SMAP1: variants seen among roughly 807,000 people sequenced by gnomAD.
The protein encoded by SMAP1 is small ArfGAP 1.
Under a neutral mutation model 58.5 loss-of-function variants are expected in SMAP1, and 24 were observed. The observed-to-expected ratio is 0.41, with a 90% CI of 0.30 to 0.58. SMAP1 has a LOEUF of 0.58. Among genes scored for constraint, SMAP1 ranks in the 20% least tolerant of loss-of-function variants. The probability of loss-of-function intolerance (pLI) is 0.29; values close to 1 mark genes in which losing one functional copy is unlikely to be tolerated. For synonymous variants in SMAP1, 216 were observed against 196.6 expected, an observed-to-expected ratio of 1.10 and a Z score of -0.82; for missense variants, 563 against 566.3, an observed-to-expected ratio of 0.99 and a Z score of 0.06.
intron 1 of SMAP1, among the ~76,000 whole-genome samples, chr6:70,725,261 C>T (rs1473506100): frequency 4.0e-5 from 6 of 151,766 alleles, no homozygotes; most frequent in African/African-American, 1.5e-4. Flanking sequence ...GGACTACAGG[C>T]GCCTGCTACC....
At chr6:70,731,878 T>G (rs1765444966) in intron 1 of SMAP1, among the ~76,000 whole-genome samples, 1 of 152,230 alleles carries the variant, frequency 6.6e-6, no homozygotes, top group South Asian at 2.1e-4. Context: ...TGTGCATATT[T>G]TCATGCTTAT....
chr6:70,807,811 A>C (rs1769202241), intron 6 of SMAP1, among the ~76,000 whole-genome samples: 2 of 152,116 alleles, frequency 1.3e-5, no homozygotes, highest in African/African-American at 2.4e-5. Context: ...ACAGTGCTGG[A>C]GTTGTGGCCC....
At chr6:70,816,808 TA>T (rs1769648740) in intron 6 of SMAP1, among the ~76,000 whole-genome samples, 1 of 152,314 alleles carries the variant, frequency 6.6e-6, no homozygotes, top group South Asian at 2.1e-4. Context: ...GCCAACTCTG[TA>T]TTTTATCTCC....
chr6:70,734,532 TC>T (rs1011566878), intron 2 of SMAP1: 1 of 152,442 alleles, frequency 6.6e-6, no homozygotes, highest in African/African-American at 2.4e-5. Context: ...CCCTTGGCCA[TC>T]ACACTGATGC....
At chr6:70,803,696 C>G (rs1316775612) in intron 6 of SMAP1, among the ~76,000 whole-genome samples, 1 of 152,172 alleles carries the variant, frequency 6.6e-6, no homozygotes, top group Non-Finnish European at 1.5e-5. Flanking sequence ...TACGTTCTAT[C>G]TTTGTTCTCA....
chr6:70,679,255 G>A (rs1581986170), intron 1 of SMAP1, among the ~76,000 whole-genome samples: 2 of 152,104 alleles, frequency 1.3e-5, no homozygotes, highest in South Asian at 4.1e-4. Flanking sequence ...CTGACCTCGA[G>A]TGATTCGCCT....
chr6:70,731,042 C>G (rs566331019), intron 1 of SMAP1, among the ~76,000 whole-genome samples: 2 of 152,196 alleles, frequency 1.3e-5, no homozygotes, highest in African/African-American at 4.8e-5. Flanking sequence ...TCAAGTGATC[C>G]GCCTGCCTTG....
At chr6:70,816,265 C>T (rs980287774) in intron 6 of SMAP1, among the ~76,000 whole-genome samples, 1 of 152,082 alleles carries the variant, frequency 6.6e-6, no homozygotes, top group Non-Finnish European at 1.5e-5. Flanking sequence ...TAATGGAGTA[C>T]AAACCAATAA....
intron 1 of SMAP1, among the ~76,000 whole-genome samples, chr6:70,709,574 A>G (rs1767970978): frequency 6.6e-6 from 1 of 152,128 alleles, no homozygotes; most frequent in African/African-American, 2.4e-5. Flanking sequence ...CTCCTAGCTC[A>G]GTTTCCCAAA....
chr6:70,670,369 T>G (rs1030862879), intron 1 of SMAP1, among the ~76,000 whole-genome samples: 1 of 152,208 alleles, frequency 6.6e-6, no homozygotes, highest in Non-Finnish European at 1.5e-5. Flanking sequence ...TAAGGCCACT[T>G]ATTGATTTAA....
chr6:70,740,068 C>T (rs1765753460), intron 2 of SMAP1, among the ~76,000 whole-genome samples: 1 of 152,052 alleles, frequency 6.6e-6, no homozygotes, highest in African/African-American at 2.4e-5. Flanking sequence ...GAAAAGTTTT[C>T]TAGATGTGTC....
chr6:70,765,712 A>G (rs1319026562), intron 3 of SMAP1, among the ~76,000 whole-genome samples: 1 of 151,782 alleles, frequency 6.6e-6, no homozygotes, highest in Non-Finnish European at 1.5e-5. Flanking sequence ...TACAATTTGT[A>G]TTCACTTTTC....
chr6:70,861,121 A>G lies in SMAP1; in HGVS notation c.*787A>G, dbSNP rs1351182653. On this transcript the variant is annotated 3_prime_UTR_variant, in exon 11 of 11. Transcript: ENST00000370455. ...ATTGTGTTTACATTTTATGGTGCCT[A>G]GTATTGACAAAATGTTATTTCCCTA... 2 of 169,332 alleles carry G rather than the reference A, an allele frequency of 1.2e-5. No individual in the cohort carries two copies. The highest frequency in any genetic ancestry group is 2.5e-5 in the Non-Finnish European group (2 of 79,408). The allele number at this position is 169,332 out of a possible 1,614,324, so 10.5% of individuals were successfully genotyped here.
chr6:70,795,622 A>G (rs1251658232), intron 5 of SMAP1, among the ~76,000 whole-genome samples: 2 of 152,134 alleles, frequency 1.3e-5, no homozygotes, highest in Non-Finnish European at 2.9e-5. Context: ...ATAATATCAC[A>G]TTGGGGATTA....
At chr6:70,819,380 T>A (rs1017728834) in intron 6 of SMAP1, among the ~76,000 whole-genome samples, 7 of 151,802 alleles carry the variant, frequency 4.6e-5, no homozygotes, top group Admixed American at 3.3e-4. Context: ...AATACAGGTA[T>A]TTTAAATCTA....
At chr6:70,809,964 A>T (rs150505379) in intron 6 of SMAP1, among the ~76,000 whole-genome samples, 148 of 152,250 alleles carry the variant, frequency 9.7e-4, no homozygotes, top group African/African-American at 3.3e-3. Flanking sequence ...ATGGTATAGA[A>T]TGCTAGTTGC....
At chr6:70,823,051 T>C (rs1355518118) in intron 6 of SMAP1, among the ~76,000 whole-genome samples, 1 of 152,192 alleles carries the variant, frequency 6.6e-6, no homozygotes, top group Non-Finnish European at 1.5e-5. Flanking sequence ...CTTTTTCCAT[T>C]AGAGCCCTTA....
intron 6 of SMAP1, among the ~76,000 whole-genome samples, chr6:70,835,726 C>G (rs985424793): frequency 2.0e-5 from 3 of 152,066 alleles, no homozygotes; most frequent in African/African-American, 4.8e-5. Context: ...AGGCTGGTCT[C>G]AAACTCCTGG....
chr6:70,714,597 G>C (rs148449986), intron 1 of SMAP1, among the ~76,000 whole-genome samples: 36 of 151,326 alleles, frequency 2.4e-4, no homozygotes, highest in Middle Eastern at 3.4e-3. Flanking sequence ...TTTAGGTTTT[G>C]TACTGGGATT....
Sources: allele counts gnomAD v4.1 joint callset (sites outside exome capture counted in the v4.1 genomes callset), GRCh38; gene constraint gnomAD v4.1.1; transcripts MANE v1.5; gene names NCBI Gene and HGNC (gene_info 2026-07-23, HGNC 2026-07-21).